ZNF280D: variants seen among roughly 807,000 people sequenced by gnomAD.
ZNF280D encodes the protein suppressor of hairy wing homolog 4.
In ZNF280D, 39 loss-of-function variants were observed where a neutral mutation model predicts 94.7. That is an observed-to-expected ratio of 0.41 (90% CI 0.32 to 0.54). ZNF280D has a LOEUF of 0.54. Ranked by LOEUF, ZNF280D falls within the 20% of genes least tolerant of loss-of-function variation. The pLI is 0.22. For missense variants in ZNF280D, 1,090 were observed against 1,149.3 expected, an observed-to-expected ratio of 0.95 and a Z score of 0.75; for synonymous variants, 398 against 377.6, an observed-to-expected ratio of 1.05 and a Z score of -0.63.
intron 1 of ZNF280D, among the ~76,000 whole-genome samples, chr15:56,715,066 TAAA>T (rs1187756443): frequency 6.6e-6 from 1 of 151,850 alleles, no homozygotes; most frequent in Non-Finnish European, 1.5e-5. Context: ...ACCATAGAAA[TAAA>T]AAAGTTAGCA....
chr15:56,669,897 TATATA>T lies in ZNF280D; in HGVS notation c.1411-945_1411-941del, dbSNP rs1398403986. 4.7e-3 allele frequency among the ~76,000 whole-genome samples: 40 copies of T among 8,504 alleles called. 10 individuals are homozygous for T. Among genetic ancestry groups the T allele is most frequent in the Admixed American group, 0.017 (6 of 360 alleles). 5.6% of individuals were successfully genotyped at this position (8,504 alleles called of 152,430 possible). The stretch of plus-strand genomic sequence containing the variant: ...TTTATATATATATATATTATATATA[TATATA>T]ATATATATATATTATATATATATTA... On this transcript the variant is annotated intron_variant, in intron 13 of 21. Coordinates refer to ENST00000267807, the MANE Select transcript of ZNF280D (RefSeq NM_017661.4).
At chr15:56,673,304 C>G (rs1347107339) in intron 13 of ZNF280D, among the ~76,000 whole-genome samples, 4 of 151,986 alleles carry the variant, frequency 2.6e-5, no homozygotes, top group African/African-American at 9.7e-5. Flanking sequence ...CTTATTCAGT[C>G]TTCCCCATAT....
intron 1 of ZNF280D, among the ~76,000 whole-genome samples, chr15:56,726,805 G>A (rs2141474642): frequency 6.6e-6 from 1 of 152,282 alleles, no homozygotes; most frequent in Admixed American, 6.5e-5. Context: ...TGTAGTCTAT[G>A]TCAGAGAGGG....
intron 19 of ZNF280D, among the ~76,000 whole-genome samples, chr15:56,649,612 T>G (rs750016107): frequency 9.9e-5 from 15 of 151,820 alleles, no homozygotes; most frequent in Admixed American, 4.6e-4. Flanking sequence ...TCAGTTTGTT[T>G]TTTTTTTTTA....
rs754678266 is a variant in ZNF280D, at chr15:56,689,351, G to T, written c.619C>A (p.Pro207Thr). The T allele has an allele frequency of 6.6e-5, 107 of 1,609,964 alleles. No homozygotes were observed. The highest frequency in any genetic ancestry group is 8.8e-5 in the Non-Finnish European group (104 of 1,178,234). ...GTCACTGAAGGAGATTTAACTGAAG[G>T]TAATACAGCTGAGGAATTTGCTCCA... The part of the protein sequence containing the change: ...VSGANSSAVL[P>T]SVKSPSVTSS... The change falls in exon 8 of 22, where the codon CCT becomes ACT. Residue 207 changes from proline to threonine, a missense_variant. This residue lies in a region of ZNF280D where 386 missense variants were observed against 372.0 expected (regional missense o/e 1.04). Transcript: ENST00000267807.
rs2056521069 is a variant in ZNF280D, at chr15:56,693,123, T to A, written c.474A>T (p.Gln158His). 6.2e-7 allele frequency: 1 copy of A among 1,605,480 alleles called. No individual in the cohort carries two copies. Among genetic ancestry groups the A allele is most frequent in the South Asian group, 1.1e-5 (1 of 89,162 alleles). The stretch of plus-strand genomic sequence containing the variant: ...CTGCCATAGAAAGTGTTGGTCCCCC[T>A]TGGTAATGTGATAATCCTGTATCCT... Reference protein sequence around the residue: ...LTQDTGLSHYQGGPTLSMAGM... With the variant: ...LTQDTGLSHYHGGPTLSMAGM... Residue 158 changes from glutamine (Q) to histidine (H), a missense_variant, in exon 7 of 22, where the codon CAA (glutamine) becomes CAT (histidine). By Grantham distance (24) the Gln-to-His change is conservative. Coordinates refer to ENST00000267807, the MANE Select transcript of ZNF280D (RefSeq NM_017661.4).
At chr15:56,694,463 A>T (rs1189008373) in intron 6 of ZNF280D, among the ~76,000 whole-genome samples, 1 of 152,142 alleles carries the variant, frequency 6.6e-6, no homozygotes, top group Non-Finnish European at 1.5e-5. Flanking sequence ...ATGATTAAAA[A>T]TTAAAGGAAA....
chr15:56,632,249 C>T, intron 21 of ZNF280D, 127 bp from the exon 22 acceptor site: 1 of 867,536 alleles, frequency 1.2e-6, no homozygotes, highest in Non-Finnish European at 1.7e-6. Context: ...GGAAAACAGT[C>T]CAAGTTCCCA....
chr15:56,733,497 G>C lies in ZNF280D; in HGVS notation c.-125C>G. The C allele has an allele frequency of 1.8e-6, 2 of 1,142,762 alleles. No homozygotes were observed. Among genetic ancestry groups the C allele is most frequent in the South Asian group, 3.3e-5 (2 of 59,844 alleles). 70.8% of individuals were successfully genotyped at this position (1,142,762 alleles called of 1,614,324 possible). A position where few individuals can be genotyped will look rare whatever the true frequency, so the allele number is the denominator to read the frequency against. On this transcript the variant is annotated 5_prime_UTR_variant, in exon 1 of 22. Transcript: ENST00000267807. ...ATCGGCCTGACTGGAGCCCTGAGGA[G>C]GAGGAGAAAGAGGAGGAGGAAAAGG...
intron 16 of ZNF280D, among the ~76,000 whole-genome samples, chr15:56,660,047 G>A (rs2053829283): frequency 6.6e-6 from 1 of 151,890 alleles, no homozygotes; most frequent in Non-Finnish European, 1.5e-5. Flanking sequence ...CTTCAACCTA[G>A]GAGTAATTAC....
At chr15:56,704,387 T>G in intron 3 of ZNF280D, 120 bp from the exon 4 acceptor site, 2 of 983,634 alleles carry the variant, frequency 2.0e-6, no homozygotes, top group Non-Finnish European at 1.5e-6. Flanking sequence ...ATTTCTGAAT[T>G]GATATTTGTA....
At chr15:56,728,834 C>A (rs533158451) in intron 1 of ZNF280D, among the ~76,000 whole-genome samples, 64 of 152,276 alleles carry the variant, frequency 4.2e-4, no homozygotes, top group African/African-American at 1.5e-3. Flanking sequence ...AGATACTCAA[C>A]ACTTTATTAT....
intron 1 of ZNF280D, among the ~76,000 whole-genome samples, chr15:56,725,842 G>A (rs560211399): frequency 3.3e-5 from 5 of 151,524 alleles, no homozygotes; most frequent in Admixed American, 6.6e-5. Context: ...AGTATTTATC[G>A]AACATTAATT....
chr15:56,669,952 T>C (rs1309483192), intron 13 of ZNF280D, among the ~76,000 whole-genome samples: 3 of 2,214 alleles, frequency 1.4e-3, no homozygotes, highest in Admixed American at 0.017. Flanking sequence ...ATATATATTA[T>C]ATATATATAT....
intron 13 of ZNF280D, among the ~76,000 whole-genome samples, chr15:56,669,886 TATTATATATATATATA>T (rs1566959650): frequency 3.5e-4 from 2 of 5,688 alleles, no homozygotes; most frequent in African/African-American, 7.5e-4. Context: ...TATATATATA[TATTATATATATATATA>T]ATATATATAT....
At chr15:56,636,485 A>T (rs376651704) in intron 20 of ZNF280D, among the ~76,000 whole-genome samples, 29 of 130,182 alleles carry the variant, frequency 2.2e-4, no homozygotes, top group South Asian at 5.0e-4. Flanking sequence ...CTTCCTTCCT[A>T]TTTTTTTTTT....
chr15:56,633,073 A>G (rs2052167104), intron 21 of ZNF280D, among the ~76,000 whole-genome samples: 1 of 152,218 alleles, frequency 6.6e-6, no homozygotes, highest in Admixed American at 6.5e-5. Flanking sequence ...TTCTAAGAAG[A>G]TCATCAGTCC....
At chr15:56,669,872 TTTA>T (rs2054569427) in intron 13 of ZNF280D, among the ~76,000 whole-genome samples, 1 of 5,762 alleles carries the variant, frequency 1.7e-4, no homozygotes, top group Non-Finnish European at 3.6e-4. Flanking sequence ...ATATATATAT[TTTA>T]TATATATATA....
intron 1 of ZNF280D, among the ~76,000 whole-genome samples, chr15:56,725,378 A>C (rs1194947859): frequency 6.6e-6 from 1 of 152,190 alleles, no homozygotes; most frequent in Non-Finnish European, 1.5e-5. Context: ...GTATTCATTT[A>C]CTTAAAGATG....
Sources: allele counts gnomAD v4.1 joint callset (sites outside exome capture counted in the v4.1 genomes callset), GRCh38; gene constraint gnomAD v4.1.1; regional missense constraint gnomAD v4.1.1; transcripts MANE v1.5; gene names NCBI Gene and HGNC (gene_info 2026-07-23, HGNC 2026-07-21).